RABGAP1L: variants seen among roughly 807,000 people sequenced by gnomAD.
The protein encoded by RABGAP1L is RAB GTPase activating protein 1 like.
A neutral mutation model predicts 137.7 loss-of-function variants in RABGAP1L; 63 were observed. The ratio of observed to expected loss-of-function variants is 0.46; its 90% confidence interval spans 0.37 to 0.56. The LOEUF (loss-of-function observed/expected upper bound fraction) is 0.56. Among genes scored for constraint, RABGAP1L ranks in the 20% least tolerant of loss-of-function variants. RABGAP1L has a pLI of 0.00. For synonymous variants in RABGAP1L, 431 were observed against 433.7 expected (o/e 0.99, Z 0.08); for missense variants, 1,095 against 1,244.0 (o/e 0.88, Z 1.80).
intron 20 of RABGAP1L, among the ~76,000 whole-genome samples, chr1:174,968,388 G>A (rs1403164743): frequency 6.6e-6 from 1 of 152,010 alleles, no homozygotes; most frequent in South Asian, 2.1e-4. Context: ...AAGCAATTTT[G>A]ATACTTTGGA....
chr1:174,516,120 T>C (rs1572132635), intron 13 of RABGAP1L, among the ~76,000 whole-genome samples: 1 of 133,234 alleles, frequency 7.5e-6, no homozygotes, highest in Non-Finnish European at 1.6e-5. Flanking sequence ...ACTGAAGCTC[T>C]ACACACACAC....
intron 3 of RABGAP1L, among the ~76,000 whole-genome samples, chr1:174,230,124 A>G (rs2148502377): frequency 6.6e-6 from 1 of 152,222 alleles, no homozygotes; most frequent in South Asian, 2.1e-4. Context: ...GGAAACCATC[A>G]TTCTCAGCAA....
At chr1:174,962,595 G>A (rs1399912416) in intron 20 of RABGAP1L, among the ~76,000 whole-genome samples, 1 of 152,016 alleles carries the variant, frequency 6.6e-6, no homozygotes, top group African/African-American at 2.4e-5. Flanking sequence ...TGAAATATTT[G>A]AAATAAAGCT....
At position 174,437,239 on chromosome 1, in the gene RABGAP1L, G is replaced by A. The variant is rs188611452; in HGVS notation, c.1710+43094G>A. On this transcript the variant is annotated intron_variant, in intron 13 of 25. Transcript: ENST00000681986. ...ACAGAGAATGACTTTGATGAGTTGA[G>A]AGAGGAAGGCTTCAGAAGATCAAAC... 2.0e-3 allele frequency among the ~76,000 whole-genome samples: 302 copies of A among 152,158 alleles called. 1 individual carries two copies. Among genetic ancestry groups the A allele is most frequent in the African/African-American group, 6.8e-3 (283 of 41,502 alleles).
At chr1:174,685,551 C>CTTTG (rs112033205) in intron 15 of RABGAP1L, among the ~76,000 whole-genome samples, 1 of 144,970 alleles carries the variant, frequency 6.9e-6, no homozygotes, top group Non-Finnish European at 1.5e-5. Context: ...CCGCGCCGGC[C>CTTTG]TTTATTTATT....
intron 23 of RABGAP1L, among the ~76,000 whole-genome samples, chr1:174,982,337 A>G (rs1201687302): frequency 6.6e-6 from 1 of 151,962 alleles, no homozygotes; most frequent in Non-Finnish European, 1.5e-5. Context: ...CCCTATGACC[A>G]TGTGTTCTCA....
chr1:174,614,068 ATATTGT>A (rs1485625241), intron 13 of RABGAP1L, among the ~76,000 whole-genome samples: 1 of 152,086 alleles, frequency 6.6e-6, no homozygotes, highest in African/African-American at 2.4e-5. Flanking sequence ...TGTAAAGTTA[ATATTGT>A]TATGTGTGAA....
intron 11 of RABGAP1L, among the ~76,000 whole-genome samples, chr1:174,363,714 A>T (rs61828642): frequency 6.6e-6 from 1 of 152,000 alleles, no homozygotes; most frequent in East Asian, 1.9e-4. Flanking sequence ...ATATTGAGGT[A>T]TATTTCTTCT....
intron 1 of RABGAP1L, among the ~76,000 whole-genome samples, chr1:174,172,176 T>TTGTG (rs34345014): frequency 0.022 from 2,702 of 123,454 alleles, 45 homozygotes; most frequent in African/African-American, 0.056. Context: ...TAATATTCCC[T>TTGTG]TGTGTGTGTG....
At position 174,533,661 on chromosome 1, in the gene RABGAP1L, GTGTTTTTGTTTT is replaced by G. The variant is rs576126636; in HGVS notation, c.1711-103700_1711-103689del. ...ATAATACATATAACATACGAAATAC[GTGTTTTTGTTTT>G]TGTTTTTGTTTTTTGAGATGGAGTT... On this transcript the variant is annotated intron_variant, in intron 13 of 25. Transcript: ENST00000681986. Among the ~76,000 whole-genome samples the G allele has an allele frequency of 6.8e-4, 103 of 151,960 alleles. 1 individual carries two copies. The highest frequency in any genetic ancestry group is 2.2e-3 in the African/African-American group (93 of 41,460).
At chr1:174,662,728 C>T (rs2148424327) in intron 14 of RABGAP1L, among the ~76,000 whole-genome samples, 1 of 152,282 alleles carries the variant, frequency 6.6e-6, no homozygotes, top group Admixed American at 6.5e-5. Flanking sequence ...ATAACATCTC[C>T]ATGCATATTT....
intron 18 of RABGAP1L, among the ~76,000 whole-genome samples, chr1:174,773,271 A>T: frequency 6.6e-6 from 1 of 152,078 alleles, no homozygotes; most frequent in East Asian, 1.9e-4. Flanking sequence ...TATGCCTGTA[A>T]TCCTAGCTAC....
chr1:174,734,519 A>G (rs966823435), intron 17 of RABGAP1L, among the ~76,000 whole-genome samples: 2 of 152,198 alleles, frequency 1.3e-5, no homozygotes, highest in African/African-American at 4.8e-5. Flanking sequence ...GACAGCAACT[A>G]GAAGAAGGTA....
intron 19 of RABGAP1L, among the ~76,000 whole-genome samples, chr1:174,949,219 T>C (rs1165552430): frequency 6.6e-6 from 1 of 152,042 alleles, no homozygotes; most frequent in Non-Finnish European, 1.5e-5. Flanking sequence ...TAGGAAGCAA[T>C]TGGAAAATGT....
At chr1:174,173,570 T>C (rs1037368472) in intron 1 of RABGAP1L, among the ~76,000 whole-genome samples, 2 of 152,204 alleles carry the variant, frequency 1.3e-5, no homozygotes, top group Admixed American at 6.5e-5. Flanking sequence ...AAACTTAATA[T>C]CATTATATAT....
At chr1:174,430,695 C>T (rs954809163) in intron 13 of RABGAP1L, among the ~76,000 whole-genome samples, 4 of 152,162 alleles carry the variant, frequency 2.6e-5, no homozygotes, top group African/African-American at 9.7e-5. Context: ...CTCAACATTT[C>T]CCACTGTTCT....
chr1:174,207,442 A>G (rs916040301), intron 1 of RABGAP1L, among the ~76,000 whole-genome samples: 2 of 152,182 alleles, frequency 1.3e-5, no homozygotes, highest in Non-Finnish European at 1.5e-5. Context: ...CTGCTGCATA[A>G]TAGTAGACTT....
intron 19 of RABGAP1L, 24 bp from the exon 20 acceptor site, chr1:174,957,433 A>T (rs1200971280): frequency 1.4e-5 from 22 of 1,575,422 alleles, no homozygotes; most frequent in Non-Finnish European, 1.8e-5. Context: ...CTTGTCTAAC[A>T]TGGTTTTCCT....
chr1:174,582,628 C>T (rs1668825094), intron 13 of RABGAP1L, among the ~76,000 whole-genome samples: 2 of 152,152 alleles, frequency 1.3e-5, no homozygotes. Context: ...TCGCTGTCCA[C>T]TTCATACAAT....
Sources: allele counts gnomAD v4.1 joint callset (sites outside exome capture counted in the v4.1 genomes callset), GRCh38; gene constraint gnomAD v4.1.1; transcripts MANE v1.5; gene names NCBI Gene and HGNC (gene_info 2026-07-23, HGNC 2026-07-21).